CNTNAP5: variants seen among roughly 807,000 people sequenced by gnomAD.
The protein encoded by CNTNAP5 is contactin-associated protein-like 5.
In CNTNAP5, 72 loss-of-function variants were observed where a neutral mutation model predicts 150.2. The observed-to-expected ratio is 0.48, with a 90% confidence interval of 0.40 to 0.58. The LOEUF (loss-of-function observed/expected upper bound fraction) is 0.58. Among genes scored for constraint, CNTNAP5 ranks in the 20% least tolerant of loss-of-function variants. The probability of loss-of-function intolerance (pLI) is 0.00; values close to 1 mark genes in which losing one functional copy is unlikely to be tolerated. For synonymous variants in CNTNAP5, 672 were observed against 619.8 expected (o/e 1.08, Z -1.25); for missense variants, 1,636 against 1,626.2 (o/e 1.01, Z -0.10).
intron 3 of CNTNAP5, among the ~76,000 whole-genome samples, chr2:124,368,630 G>A (rs1690437164): frequency 6.6e-6 from 1 of 152,038 alleles, no homozygotes; most frequent in Admixed American, 6.6e-5. Flanking sequence ...GAAAGAATGA[G>A]GAGGCACCTA....
chr2:124,450,120 A>G (rs1461967773), intron 6 of CNTNAP5, among the ~76,000 whole-genome samples: 1 of 152,106 alleles, frequency 6.6e-6, no homozygotes, highest in African/African-American at 2.4e-5. Flanking sequence ...CCATGCGTCC[A>G]TATGTGCACA....
chr2:124,780,808 A>T (rs1023731708), intron 17 of CNTNAP5, among the ~76,000 whole-genome samples: 1 of 152,222 alleles, frequency 6.6e-6, no homozygotes, highest in Non-Finnish European at 1.5e-5. Flanking sequence ...CACATTTGCA[A>T]TGCCTTCTGG....
chr2:124,181,543 T>C (rs1685208563), intron 1 of CNTNAP5, among the ~76,000 whole-genome samples: 1 of 152,196 alleles, frequency 6.6e-6, no homozygotes, highest in South Asian at 2.1e-4. Context: ...CTAATGAAAC[T>C]AGTTGATCTA....
At chr2:124,744,930 A>T (rs1329211039) in intron 13 of CNTNAP5, among the ~76,000 whole-genome samples, 1 of 152,182 alleles carries the variant, frequency 6.6e-6, no homozygotes, top group East Asian at 1.9e-4. Context: ...TTTCATATAT[A>T]GATACATAAT....
intron 3 of CNTNAP5, among the ~76,000 whole-genome samples, chr2:124,387,843 C>T (rs1690969845): frequency 6.6e-6 from 1 of 152,124 alleles, no homozygotes. Context: ...GAATGAGGAC[C>T]AATTTCAAGC....
At chr2:124,100,864 C>CAAAAAAAAAAAA (rs60441145) in intron 1 of CNTNAP5, among the ~76,000 whole-genome samples, 6 of 88,038 alleles carry the variant, frequency 6.8e-5, no homozygotes, top group African/African-American at 2.1e-4. Flanking sequence ...GACTCTGTCT[C>CAAAAAAAAAAAA]AAAAAAAAAA....
intron 22 of CNTNAP5, among the ~76,000 whole-genome samples, chr2:124,904,958 G>GAAAAAGAA (rs1678500156): frequency 7.5e-6 from 1 of 132,910 alleles, no homozygotes; most frequent in African/African-American, 2.8e-5. Context: ...TACAGAATTG[G>GAAAAAGAA]AAAAAGAAAT....
chr2:124,474,580 A>G (rs1322184536), intron 6 of CNTNAP5, among the ~76,000 whole-genome samples, 159 bp from the exon 7 acceptor site: 2 of 152,154 alleles, frequency 1.3e-5, no homozygotes, highest in African/African-American at 4.8e-5. Context: ...TAGGCTAATC[A>G]GTATCCTTTT....
chr2:124,722,921 C>T (rs887962159), intron 13 of CNTNAP5, among the ~76,000 whole-genome samples: 3 of 152,162 alleles, frequency 2.0e-5, no homozygotes, highest in East Asian at 1.9e-4. Context: ...CTCTCTGTCA[C>T]CTTCAGTCAA....
At chr2:124,376,527 A>G (rs938223472) in intron 3 of CNTNAP5, among the ~76,000 whole-genome samples, 46 of 152,148 alleles carry the variant, frequency 3.0e-4, no homozygotes, top group African/African-American at 1.1e-3. Flanking sequence ...CCTCTAAACT[A>G]AAATACCAGG....
intron 13 of CNTNAP5, among the ~76,000 whole-genome samples, chr2:124,733,643 G>A (rs568122679): frequency 6.6e-6 from 1 of 152,234 alleles, no homozygotes; most frequent in African/African-American, 2.4e-5. Flanking sequence ...GGGCTAGGGA[G>A]TAGAGGTATT....
intron 1 of CNTNAP5, among the ~76,000 whole-genome samples, chr2:124,124,996 C>T (rs1355311096): frequency 6.6e-6 from 1 of 152,194 alleles, no homozygotes; most frequent in African/African-American, 2.4e-5. Context: ...TAGGAAGAAA[C>T]TGCATCAACT....
chr2:124,821,167 T>C (rs1682477498), intron 19 of CNTNAP5, among the ~76,000 whole-genome samples: 1 of 152,156 alleles, frequency 6.6e-6, no homozygotes, highest in Non-Finnish European at 1.5e-5. Context: ...ACAACCTACA[T>C]TAATACCAGA....
intron 14 of CNTNAP5, among the ~76,000 whole-genome samples, chr2:124,748,797 C>T (rs1407409269): frequency 2.6e-5 from 4 of 152,122 alleles, no homozygotes; most frequent in East Asian, 1.9e-4. Flanking sequence ...GCAGGTTACC[C>T]GAGTGCCTTC....
intron 3 of CNTNAP5, among the ~76,000 whole-genome samples, chr2:124,376,291 A>G (rs1401818283): frequency 6.6e-6 from 1 of 152,120 alleles, no homozygotes; most frequent in Non-Finnish European, 1.5e-5. Context: ...AATGAGGAAA[A>G]TGGAACTTTT....
chr2:124,210,829 G>A (rs1685988961), intron 1 of CNTNAP5, among the ~76,000 whole-genome samples: 2 of 152,028 alleles, frequency 1.3e-5, no homozygotes, highest in African/African-American at 4.8e-5. Context: ...GAGCTTGGGA[G>A]GCCCTATTTT....
intron 1 of CNTNAP5, among the ~76,000 whole-genome samples, chr2:124,103,500 A>C (rs1364631566): frequency 1.3e-5 from 2 of 151,866 alleles, no homozygotes; most frequent in Non-Finnish European, 2.9e-5. Flanking sequence ...TGCCCAATAC[A>C]AGTGTACCAT....
At chr2:124,270,372 G>A (rs912927159) in intron 3 of CNTNAP5, among the ~76,000 whole-genome samples, 13 of 152,244 alleles carry the variant, frequency 8.5e-5, no homozygotes, top group Admixed American at 8.5e-4. Context: ...CTCATAGGGA[G>A]CTTAGCAGTG....
At chr2:124,227,774 G>C (rs894995770) in intron 2 of CNTNAP5, among the ~76,000 whole-genome samples, 2 of 151,486 alleles carry the variant, frequency 1.3e-5, no homozygotes, top group Admixed American at 6.6e-5. Flanking sequence ...TGGTGAGGGT[G>C]GGGGGAGGCG....
Sources: allele counts gnomAD v4.1 joint callset (sites outside exome capture counted in the v4.1 genomes callset), GRCh38; gene constraint gnomAD v4.1.1; transcripts MANE v1.5; gene names NCBI Gene and HGNC (gene_info 2026-07-23, HGNC 2026-07-21).